The following GNAI1 variants were observed in gnomAD, a reference collection of about 807,000 sequenced individuals.
The protein encoded by GNAI1 is G protein subunit alpha i1, also known as guanine nucleotide-binding protein G(i) subunit alpha-1.
In GNAI1, 11 loss-of-function variants were observed where a neutral mutation model predicts 38.9. That is an observed-to-expected ratio of 0.28 (90% CI 0.18 to 0.47). The LOEUF (loss-of-function observed/expected upper bound fraction) is 0.47, where lower values mean the gene tolerates loss of function less well. GNAI1 is among the 20% of genes least tolerant of loss of function. The pLI is 0.99. For missense variants in GNAI1, 317 were observed against 436.9 expected (o/e 0.73, Z 2.45); for synonymous variants, 166 against 145.1 (o/e 1.14, Z -1.04).
chr7:80,177,824 T>A (rs1470017656), intron 1 of GNAI1, among the ~76,000 whole-genome samples: 2 of 152,212 alleles, frequency 1.3e-5, no homozygotes, highest in Non-Finnish European at 2.9e-5. Context: ...CAGCTTATGA[T>A]CAGGAAGTAA....
At chr7:80,177,069 C>T (rs1296355382) in intron 1 of GNAI1, among the ~76,000 whole-genome samples, 4 of 115,276 alleles carry the variant, frequency 3.5e-5, no homozygotes, top group South Asian at 3.0e-4. Context: ...TTTGCTCTGT[C>T]GCCCAGGCTG....
chr7:80,205,620 T>G (rs184897228), intron 5 of GNAI1, among the ~76,000 whole-genome samples: 1 of 152,250 alleles, frequency 6.6e-6, no homozygotes, highest in African/African-American at 2.4e-5. Flanking sequence ...TTAGTGGAGT[T>G]TTTTGGTTTC....
intron 1 of GNAI1, among the ~76,000 whole-genome samples, chr7:80,166,092 C>T (rs1788006370): frequency 6.6e-6 from 1 of 152,132 alleles, no homozygotes; most frequent in Admixed American, 6.5e-5. Context: ...AAAATAAATA[C>T]AGAATCCTTA....
chr7:80,153,196 A>G (rs1411465986), intron 1 of GNAI1, among the ~76,000 whole-genome samples: 1 of 152,172 alleles, frequency 6.6e-6, no homozygotes, highest in Non-Finnish European at 1.5e-5. Context: ...GGGCAGTTAA[A>G]TTAATCAAGC....
At chr7:80,153,448 A>G (rs1465322999) in intron 1 of GNAI1, among the ~76,000 whole-genome samples, 1 of 152,210 alleles carries the variant, frequency 6.6e-6, no homozygotes, top group Admixed American at 6.5e-5. Context: ...TTCCAATTCC[A>G]CAAGTTAACT....
intron 1 of GNAI1, among the ~76,000 whole-genome samples, chr7:80,138,095 G>T (rs1049187906): frequency 6.6e-6 from 1 of 152,144 alleles, no homozygotes; most frequent in African/African-American, 2.4e-5. Flanking sequence ...ATTTACATTA[G>T]ATCGTGTTCA....
intron 1 of GNAI1, among the ~76,000 whole-genome samples, chr7:80,181,932 ATGT>A (rs922988767): frequency 1.3e-5 from 2 of 152,132 alleles, no homozygotes; most frequent in Non-Finnish European, 2.9e-5. Flanking sequence ...AGTATACAAT[ATGT>A]TGTTATTAAC....
chr7:80,176,394 C>T (rs771036986), intron 1 of GNAI1, among the ~76,000 whole-genome samples: 1 of 152,166 alleles, frequency 6.6e-6, no homozygotes, highest in Non-Finnish European at 1.5e-5. Flanking sequence ...GCAGGTTATC[C>T]GGAAGATCTA....
At chr7:80,181,225 A>G (rs962164630) in intron 1 of GNAI1, among the ~76,000 whole-genome samples, 2 of 152,168 alleles carry the variant, frequency 1.3e-5, no homozygotes, top group Non-Finnish European at 2.9e-5. Context: ...TTGGAAACAC[A>G]TGACACTTCT....
At chr7:80,168,981 C>G (rs1232284121) in intron 1 of GNAI1, among the ~76,000 whole-genome samples, 1 of 152,150 alleles carries the variant, frequency 6.6e-6, no homozygotes, top group Non-Finnish European at 1.5e-5. Flanking sequence ...TTGCCAGAAA[C>G]TTACGCTTCA....
intron 7 of GNAI1, among the ~76,000 whole-genome samples, chr7:80,214,944 G>GAACATACAT (rs1378503382): frequency 6.6e-6 from 1 of 152,180 alleles, no homozygotes; most frequent in South Asian, 2.1e-4. Context: ...GCAACTGCTT[G>GAACATACAT]AACATACATG....
chr7:80,164,519 A>T lies in GNAI1; in HGVS notation c.119-24432A>T, dbSNP rs376587120. ...TGGGACTACAGGCGCCCACCACCAC[A>T]CCCGGCTAATTTTTTTGTATTTTTA... On this transcript the variant is annotated intron_variant, in intron 1 of 7. Coordinates refer to ENST00000649796, the MANE Select transcript of GNAI1 (RefSeq NM_002069.6). Among the ~76,000 whole-genome samples, 25 of 150,256 alleles carry T rather than the reference A, an allele frequency of 1.7e-4. No homozygotes were observed. In the East Asian group the frequency reaches 4.7e-3, roughly 28 times the overall value.
At chr7:80,216,576 A>G (rs559923689) in intron 7 of GNAI1, among the ~76,000 whole-genome samples, 4 of 152,162 alleles carry the variant, frequency 2.6e-5, no homozygotes, top group Non-Finnish European at 5.9e-5. Flanking sequence ...AGATTAATTC[A>G]TGTTACTGAG....
At chr7:80,161,589 A>G (rs538406359) in intron 1 of GNAI1, among the ~76,000 whole-genome samples, 40 of 152,302 alleles carry the variant, frequency 2.6e-4, no homozygotes, top group African/African-American at 8.2e-4. Flanking sequence ...ATATATTTTT[A>G]GCAGTGCATT....
At chr7:80,153,567 TTAAA>T (rs1481916707) in intron 1 of GNAI1, among the ~76,000 whole-genome samples, 4 of 152,224 alleles carry the variant, frequency 2.6e-5, no homozygotes, top group Non-Finnish European at 5.9e-5. Context: ...TCTGAAATGC[TTAAA>T]TAGTGTAAAT....
At chr7:80,215,839 T>G (rs933868055) in intron 7 of GNAI1, among the ~76,000 whole-genome samples, 3 of 152,110 alleles carry the variant, frequency 2.0e-5, no homozygotes, top group African/African-American at 7.2e-5. Flanking sequence ...TTTGAGCAAA[T>G]GTGAAGGCAG....
At chr7:80,184,518 G>T (rs1239786364) in intron 1 of GNAI1, among the ~76,000 whole-genome samples, 5 of 152,106 alleles carry the variant, frequency 3.3e-5, no homozygotes, top group African/African-American at 1.2e-4. Context: ...ATTCCTAGAG[G>T]AAGGTCATAT....
intron 7 of GNAI1, 107 bp downstream of exon 7, chr7:80,212,976 CT>C: frequency 2.6e-6 from 2 of 774,644 alleles, no homozygotes; most frequent in Non-Finnish European, 4.2e-6. Context: ...CTTAGTGATT[CT>C]TAGACCTTTA....
chr7:80,189,274 G>T, intron 3 of GNAI1, 43 bp downstream of exon 3: 1 of 1,555,260 alleles, frequency 6.4e-7, no homozygotes, highest in South Asian at 1.1e-5. Context: ...TGGGTAAAAA[G>T]AATAACTTGT....
Sources: allele counts gnomAD v4.1 joint callset (sites outside exome capture counted in the v4.1 genomes callset), GRCh38; gene constraint gnomAD v4.1.1; transcripts MANE v1.5; gene names NCBI Gene and HGNC (gene_info 2026-07-23, HGNC 2026-07-21).